The following TANC2 variants were observed in gnomAD, a reference collection of about 807,000 sequenced individuals.
The protein encoded by TANC2 is protein TANC2.
Under a neutral mutation model 210.5 loss-of-function variants are expected in TANC2, and 26 were observed. The observed-to-expected ratio is 0.12, with a 90% CI of 0.09 to 0.17. TANC2 has a LOEUF of 0.17. TANC2 is among the 10% of genes least tolerant of loss of function. The probability of loss-of-function intolerance (pLI) is 1.00; values close to 1 mark genes in which losing one functional copy is unlikely to be tolerated. For missense variants in TANC2, 2,129 were observed against 2,608.9 expected (o/e 0.82, Z 4.01); for synonymous variants, 931 against 967.1 (o/e 0.96, Z 0.69).
intron 1 of TANC2, among the ~76,000 whole-genome samples, chr17:62,981,091 G>T (rs1216212076): frequency 6.6e-6 from 1 of 152,138 alleles, no homozygotes; most frequent in Admixed American, 6.5e-5. Context: ...AGTACTTAAT[G>T]ACTTTAAGTT....
intron 7 of TANC2, among the ~76,000 whole-genome samples, chr17:63,227,629 T>C (rs888110457): frequency 6.6e-6 from 1 of 152,208 alleles, no homozygotes. Context: ...CATTTGTTAA[T>C]TTTGGCTTTT....
At chr17:63,318,758 T>C (rs1275924724) in intron 10 of TANC2, among the ~76,000 whole-genome samples, 199 bp from the exon 11 acceptor site, 1 of 152,218 alleles carries the variant, frequency 6.6e-6, no homozygotes, top group Admixed American at 6.5e-5. Context: ...GCATTTAGGT[T>C]GTTTCCACTT....
Sources: gnomAD v4.1 joint callset for allele counts (sites outside exome capture counted in the v4.1 genomes callset) on GRCh38, gnomAD v4.1.1 for gene constraint, MANE v1.5 for transcripts, NCBI Gene and HGNC (gene_info 2026-07-23, HGNC 2026-07-21) for gene names.